NLGN1: variants seen among roughly 807,000 people sequenced by gnomAD.
The protein encoded by NLGN1 is neuroligin 1.
NLGN1 carries 12 observed loss-of-function variants against 65.5 expected under a neutral mutation model. That is an observed-to-expected ratio of 0.18 (90% CI 0.12 to 0.30). The LOEUF (loss-of-function observed/expected upper bound fraction) is 0.30, where lower values mean the gene tolerates loss of function less well. Ranked by LOEUF, NLGN1 falls within the 10% of genes least tolerant of loss-of-function variation. The probability of loss-of-function intolerance (pLI) is 1.00; values close to 1 mark genes in which losing one functional copy is unlikely to be tolerated. For missense variants in NLGN1, 750 were observed against 1,007.1 expected, an observed-to-expected ratio of 0.74 and a Z score of 3.46; for synonymous variants, 350 against 359.5, an observed-to-expected ratio of 0.97 and a Z score of 0.30.
intron 3 of NLGN1, among the ~76,000 whole-genome samples, chr3:173,721,420 A>G (rs1770813647): frequency 6.6e-6 from 1 of 152,226 alleles, no homozygotes; most frequent in Non-Finnish European, 1.5e-5. Context: ...AAACAAGTAA[A>G]CGCTATAGAT....
chr3:173,837,735 A>T (rs948075569), intron 4 of NLGN1, among the ~76,000 whole-genome samples: 2 of 152,182 alleles, frequency 1.3e-5, no homozygotes, highest in African/African-American at 4.8e-5. Context: ...TTACATATAC[A>T]TTTAAGTTAT....
intron 4 of NLGN1, among the ~76,000 whole-genome samples, chr3:174,019,910 C>T (rs1041337066): frequency 1.3e-5 from 2 of 152,072 alleles, no homozygotes; most frequent in African/African-American, 4.8e-5. Context: ...ATCTGGCCCT[C>T]AGGTCTATGT....
intron 4 of NLGN1, among the ~76,000 whole-genome samples, chr3:173,877,149 T>A (rs1210753835): frequency 6.6e-6 from 1 of 152,320 alleles, no homozygotes; most frequent in Middle Eastern, 3.4e-3. Context: ...TACTGTGTGA[T>A]CAAATTTAAT....
At chr3:173,396,702 G>C (rs1458048466), upstream of NLGN1, 2 of 152,196 alleles carry the variant, frequency 1.3e-5, no homozygotes, top group African/African-American at 4.8e-5. Flanking sequence ...AAAGGTAAGG[G>C]AGCTTCCTGC....
intron 2 of NLGN1, among the ~76,000 whole-genome samples, chr3:173,489,072 T>C (rs936577880): frequency 7.9e-5 from 12 of 151,740 alleles, no homozygotes; most frequent in African/African-American, 1.9e-4. Context: ...TTTTTCTGCT[T>C]ACTTTTTTTT....
intron 4 of NLGN1, among the ~76,000 whole-genome samples, chr3:174,142,966 G>A (rs1390985357): frequency 6.6e-6 from 1 of 152,142 alleles, no homozygotes; most frequent in African/African-American, 2.4e-5. Flanking sequence ...GCAGGCAACA[G>A]GAAGCCAGCA....
intron 4 of NLGN1, among the ~76,000 whole-genome samples, chr3:173,808,537 A>C (rs1304385160): frequency 1.3e-5 from 2 of 152,168 alleles, no homozygotes; most frequent in African/African-American, 4.8e-5. Flanking sequence ...CCAGTTTTTA[A>C]AAGATAAACT....
chr3:173,695,796 A>G (rs1025958918), intron 3 of NLGN1, among the ~76,000 whole-genome samples: 2 of 152,148 alleles, frequency 1.3e-5, no homozygotes, highest in Admixed American at 1.3e-4. Context: ...GAAGAATAAT[A>G]CTCATATCAT....
intron 2 of NLGN1, among the ~76,000 whole-genome samples, chr3:173,508,302 A>G (rs188544663): frequency 2.0e-5 from 3 of 152,280 alleles, no homozygotes; most frequent in Non-Finnish European, 4.4e-5. Context: ...TTGATCAATG[A>G]GGTAATAAAT....
At chr3:173,655,572 A>C (rs1334430134) in intron 3 of NLGN1, among the ~76,000 whole-genome samples, 5 of 151,594 alleles carry the variant, frequency 3.3e-5, no homozygotes, top group Non-Finnish European at 5.9e-5. Flanking sequence ...GATGTTTTGA[A>C]AAAAAAAATC....
chr3:173,992,765 A>G (rs868403022), intron 4 of NLGN1, among the ~76,000 whole-genome samples: 1 of 152,242 alleles, frequency 6.6e-6, no homozygotes. Flanking sequence ...TTAAGAGCAC[A>G]CATATAGTCT....
upstream of NLGN1, chr3:173,396,672 T>C (rs1218160163): frequency 1.3e-5 from 2 of 152,226 alleles, no homozygotes; most frequent in African/African-American, 4.8e-5. Flanking sequence ...GCAGATCAGG[T>C]GCAAACGGGG....
chr3:173,792,725 T>C (rs1425419962), intron 3 of NLGN1, among the ~76,000 whole-genome samples: 1 of 152,120 alleles, frequency 6.6e-6, no homozygotes, highest in Non-Finnish European at 1.5e-5. Context: ...TTTGAGCATT[T>C]AGTATATGAC....
chr3:173,598,095 A>G (rs879282364), intron 2 of NLGN1, among the ~76,000 whole-genome samples: 4 of 152,176 alleles, frequency 2.6e-5, no homozygotes, highest in Non-Finnish European at 4.4e-5. Flanking sequence ...GATATTTGAT[A>G]AAAAGTTAAT....
intron 4 of NLGN1, among the ~76,000 whole-genome samples, chr3:174,229,110 C>A (rs1258522497): frequency 6.6e-6 from 1 of 152,086 alleles, no homozygotes; most frequent in Non-Finnish European, 1.5e-5. Flanking sequence ...AGTCTTTTAA[C>A]TTCTTCACTG....
intron 4 of NLGN1, among the ~76,000 whole-genome samples, chr3:174,164,568 T>C (rs1029649656): frequency 6.6e-6 from 1 of 152,134 alleles, no homozygotes; most frequent in African/African-American, 2.4e-5. Context: ...ATTTTATTCT[T>C]GTGCATATAG....
intron 2 of NLGN1, among the ~76,000 whole-genome samples, chr3:173,603,567 C>T (rs1236627077): frequency 6.6e-6 from 1 of 151,966 alleles, no homozygotes; most frequent in Non-Finnish European, 1.5e-5. Context: ...GGTAAAATAA[C>T]TTGTCTGCAA....
intron 4 of NLGN1, among the ~76,000 whole-genome samples, chr3:173,820,415 A>AAT (rs1186777526): frequency 6.6e-6 from 1 of 152,156 alleles, no homozygotes; most frequent in African/African-American, 2.4e-5. Flanking sequence ...GCTCATAAGC[A>AAT]TTAGATAAAC....
intron 4 of NLGN1, among the ~76,000 whole-genome samples, chr3:174,053,357 T>A (rs1250805546): frequency 1.3e-5 from 2 of 152,012 alleles, no homozygotes; most frequent in Non-Finnish European, 2.9e-5. Context: ...GCCATAATTA[T>A]ATTTTTAAAA....
Sources: allele counts gnomAD v4.1 joint callset (sites outside exome capture counted in the v4.1 genomes callset), GRCh38; gene constraint gnomAD v4.1.1; transcripts MANE v1.5; gene names NCBI Gene and HGNC (gene_info 2026-07-23, HGNC 2026-07-21).